SAMD5: variants seen among roughly 807,000 people sequenced by gnomAD.
The protein encoded by SAMD5 is sterile alpha motif domain containing 5.
SAMD5 carries 13 observed loss-of-function variants against 11.3 expected under a neutral mutation model. That is an observed-to-expected ratio of 1.15 (90% CI 0.75 to 1.83). The LOEUF (loss-of-function observed/expected upper bound fraction) is 1.83, where lower values mean the gene tolerates loss of function less well. SAMD5 is among the 40% of genes most tolerant of loss of function. The pLI, the probability that SAMD5 is intolerant of heterozygous loss-of-function variation, is 0.00. For missense variants in SAMD5, 255 were observed against 239.1 expected (o/e 1.07, Z -0.44); for synonymous variants, 129 against 111.3 (o/e 1.16, Z -1.00).
chr6:147,795,342 T>C, the SAMD5 span, among the ~76,000 whole-genome samples: 1 of 143,068 alleles, frequency 7.0e-6, no homozygotes. Context: ...GGCGATAGTT[T>C]ACTCAGAATG....
chr6:147,827,273 G>A, the SAMD5 span, among the ~76,000 whole-genome samples: 1 of 151,800 alleles, frequency 6.6e-6, no homozygotes, highest in Admixed American at 6.6e-5. Flanking sequence ...CGAAAAACTT[G>A]TTCGTTGCAC....
chr6:147,651,812 G>C (rs1790489283), intron 1 of SAMD5, among the ~76,000 whole-genome samples: 1 of 152,156 alleles, frequency 6.6e-6, no homozygotes. Context: ...GAGAATATGG[G>C]AGCTGTGAGT....
chr6:147,777,019 T>C, the SAMD5 span, among the ~76,000 whole-genome samples: 5 of 152,294 alleles, frequency 3.3e-5, no homozygotes, highest in East Asian at 5.8e-4. Flanking sequence ...CCCAACTTGA[T>C]TGATTAGTTT....
chr6:147,624,026 C>A (rs755476639), intron 1 of SAMD5, among the ~76,000 whole-genome samples: 1 of 152,084 alleles, frequency 6.6e-6, no homozygotes, highest in African/African-American at 2.4e-5. Flanking sequence ...TGTGCCACCA[C>A]GCCCAGCTAA....
chr6:147,606,171 C>A (rs1789696521), intron 1 of SAMD5, among the ~76,000 whole-genome samples: 1 of 152,118 alleles, frequency 6.6e-6, no homozygotes, highest in East Asian at 1.9e-4. Flanking sequence ...CCAGCCCAGA[C>A]TAGATGACCC....
Position 147,567,345 on chromosome 6 carries a change from A to G in SAMD5, c.*2889A>G. ...TTATAGCATCTTGGTGTTATGCAAT[A>G]AACAATGACAACAACAAGCATTGAG... On this transcript the variant is annotated 3_prime_UTR_variant, in exon 2 of 2. Coordinates refer to ENST00000367474, the MANE Select transcript of SAMD5 (RefSeq NM_001030060.3). 3 of 985,272 alleles carry G rather than the reference A, an allele frequency of 3.0e-6. No individual in the cohort carries two copies. The highest frequency in any genetic ancestry group is 1.7e-5 in the African/African-American group (1 of 57,362). The allele number at this position is 985,272 out of a possible 1,614,324, so 61.0% of individuals were successfully genotyped here. A position where few individuals can be genotyped will look rare whatever the true frequency, so the allele number is the denominator to read the frequency against.
chr6:147,637,332 C>T (rs1790244575), intron 1 of SAMD5, among the ~76,000 whole-genome samples: 1 of 152,204 alleles, frequency 6.6e-6, no homozygotes, highest in Non-Finnish European at 1.5e-5. Context: ...AAGCTCATTT[C>T]AGCTCCAGAT....
intron 1 of SAMD5, among the ~76,000 whole-genome samples, chr6:147,622,133 A>T (rs1245023089): frequency 6.6e-6 from 1 of 152,162 alleles, no homozygotes; most frequent in African/African-American, 2.4e-5. Context: ...GGGTACAGTC[A>T]TCCCTCAGTG....
chr6:147,578,443 T>C (rs920815552), intron 1 of SAMD5, among the ~76,000 whole-genome samples: 3 of 152,194 alleles, frequency 2.0e-5, no homozygotes, highest in Non-Finnish European at 4.4e-5. Flanking sequence ...CTGTTCACTT[T>C]TGTAGATAGT....
At chr6:147,902,144 A>T in the SAMD5 span, among the ~76,000 whole-genome samples, 3 of 152,058 alleles carry the variant, frequency 2.0e-5, no homozygotes, top group African/African-American at 7.2e-5. Flanking sequence ...AAGGGGGAAA[A>T]AAAAGCAATC....
chr6:147,556,789 G>A (rs1303417203), intron 1 of SAMD5, among the ~76,000 whole-genome samples: 1 of 152,002 alleles, frequency 6.6e-6, no homozygotes, highest in Non-Finnish European at 1.5e-5. Context: ...CAAAAATACT[G>A]GCAATTATTT....
In SAMD5 at chr6:147,509,099, G is replaced by A; in HGVS notation, c.171G>A (p.Glu57=). The A allele has an allele frequency of 6.3e-7, 1 of 1,590,460 alleles. No homozygotes were observed. The highest frequency in any genetic ancestry group is 8.5e-7 in the Non-Finnish European group (1 of 1,170,040). ...CCGCGCACCGCCGCCGTATCCTGGA[G>A]GCCGTGCGCCGGCTGCGGGAGCAGG... ...LAPAHRRRIL[E]AVRRLREQDA... is the part of the protein sequence containing the mutation. Residue 57 remains glutamate, a synonymous_variant, in exon 1 of 2, where the codon GAG becomes GAA. Coordinates refer to ENST00000367474, the MANE Select transcript of SAMD5 (RefSeq NM_001030060.3).
At chr6:147,949,922 T>C in the SAMD5 span, among the ~76,000 whole-genome samples, 1 of 152,228 alleles carries the variant, frequency 6.6e-6, no homozygotes, top group African/African-American at 2.4e-5. Flanking sequence ...TGAAATGCAT[T>C]GTAATTAATT....
At chr6:147,532,751 A>C (rs567785491) in intron 1 of SAMD5, among the ~76,000 whole-genome samples, 24 of 152,286 alleles carry the variant, frequency 1.6e-4, no homozygotes, top group African/African-American at 5.5e-4. Flanking sequence ...TCCCACCCAC[A>C]GTATCAAAGT....
the SAMD5 span, among the ~76,000 whole-genome samples, chr6:147,903,486 G>A: frequency 6.6e-6 from 1 of 152,304 alleles, no homozygotes; most frequent in Admixed American, 6.5e-5. Flanking sequence ...CAATGGCATC[G>A]TCTAACAGCA....
chr6:147,666,904 G>T (rs780251199), intron 1 of SAMD5, among the ~76,000 whole-genome samples: 1 of 152,058 alleles, frequency 6.6e-6, no homozygotes, highest in Admixed American at 6.6e-5. Context: ...TTCCCTATCC[G>T]TCAAGCTTTC....
chr6:147,541,415 C>T (rs780837753), intron 1 of SAMD5, among the ~76,000 whole-genome samples: 2 of 152,186 alleles, frequency 1.3e-5, no homozygotes, highest in Middle Eastern at 3.2e-3. Flanking sequence ...TCACCTTGTT[C>T]GGCACCAAGT....
At chr6:147,942,753 T>G in the SAMD5 span, among the ~76,000 whole-genome samples, 1 of 151,990 alleles carries the variant, frequency 6.6e-6, no homozygotes, top group African/African-American at 2.4e-5. Flanking sequence ...TTCTTTCTGA[T>G]TACAATCTAA....
intron 1 of SAMD5, among the ~76,000 whole-genome samples, chr6:147,665,570 G>C (rs1790705619): frequency 6.6e-6 from 1 of 152,156 alleles, no homozygotes; most frequent in Non-Finnish European, 1.5e-5. Flanking sequence ...TCAACTCCAT[G>C]GTCAAGATTT....
Sources: gnomAD v4.1 joint callset for allele counts (sites outside exome capture counted in the v4.1 genomes callset) on GRCh38, gnomAD v4.1.1 for gene constraint, MANE v1.5 for transcripts, NCBI Gene and HGNC (gene_info 2026-07-23, HGNC 2026-07-21) for gene names.